PKHD1L1: variants seen among roughly 807,000 people sequenced by gnomAD.
The protein encoded by PKHD1L1 is fibrocystin-L.
A neutral mutation model predicts 462.9 loss-of-function variants in PKHD1L1; 434 were observed. The ratio of observed to expected loss-of-function variants is 0.94; its 90% CI spans 0.87 to 1.02. The LOEUF is 1.02. Ranked by LOEUF, PKHD1L1 falls within the 50% of genes least tolerant of loss-of-function variation. The pLI, the probability that PKHD1L1 is intolerant of heterozygous loss-of-function variation, is 0.00. For synonymous variants in PKHD1L1, 1,781 were observed against 1,750.0 expected (o/e 1.02, Z -0.44); for missense variants, 5,202 against 5,096.1 (o/e 1.02, Z -0.63).
rs1303582945 is a variant in PKHD1L1 at position 109,375,520 on chromosome 8, C to G, written c.164-5850C>G. ...TCAACTCGTCAAAGTCATTCTCTGTCCAGCTTTGTTCCGTTGCTGGTGAGG... is the reference window on the plus strand; with the variant it reads ...TCAACTCGTCAAAGTCATTCTCTGTGCAGCTTTGTTCCGTTGCTGGTGAGG... On this transcript the variant is annotated intron_variant, in intron 2 of 77. Coordinates refer to ENST00000378402, the MANE Select transcript of PKHD1L1 (RefSeq NM_177531.6). Among the ~76,000 whole-genome samples, 3 of 152,196 alleles carry G rather than the reference C, an allele frequency of 2.0e-5. No individual in the cohort carries two copies. The East Asian group carries it at 5.8e-4, about 29-fold the overall frequency.
intron 55 of PKHD1L1, chr8:109,480,632 C>A (rs1277673596): frequency 2.2e-5 from 10 of 455,170 alleles, no homozygotes; most frequent in Admixed American, 1.9e-4. Context: ...GGTCTTGAAC[C>A]TGTACCAGCT....
At chr8:109,417,151 G>T (rs1432960112) in intron 21 of PKHD1L1, among the ~76,000 whole-genome samples, 2 of 152,032 alleles carry the variant, frequency 1.3e-5, no homozygotes, top group African/African-American at 4.8e-5. Context: ...CAACAGGGTG[G>T]CTAAAGTCAA....
rs989483700 is a variant in PKHD1L1 at position 109,442,030 on chromosome 8, T to C, written c.4228T>C (p.Ser1410Pro). The C allele has an allele frequency of 1.2e-6, 2 of 1,609,574 alleles. No individual in the cohort carries two copies. The highest frequency in any genetic ancestry group is 2.7e-5 in the African/African-American group (2 of 74,734). ...DSVHGLGYAW[S>P]PPVLNVSVGD... is the part of the protein sequence containing the mutation. ...AGTACATGGATTAGGTTATGCCTGGTCACCACCAGTCCTAAATGTGTCTGT... is the reference window on the plus strand; with the variant it reads ...AGTACATGGATTAGGTTATGCCTGGCCACCACCAGTCCTAAATGTGTCTGT... Residue 1410 changes from serine (S) to proline (P), a missense_variant, in exon 35 of 78, where the codon TCA (serine) becomes CCA (proline). Physicochemically the swap from Ser to Pro is moderately conservative, Grantham distance 74. This residue lies in a region of PKHD1L1 where 4,497 missense variants were observed against 4,336.8 expected (regional missense o/e 1.04). Coordinates refer to ENST00000378402, the MANE Select transcript of PKHD1L1 (RefSeq NM_177531.6).
chr8:109,444,617 G>C lies in PKHD1L1; in HGVS notation c.4792-44G>C, dbSNP rs545637955. 1.9e-6 allele frequency: 3 copies of C among 1,540,766 alleles called. No individual in the cohort carries two copies. The East Asian group carries it at 6.8e-5, about 35-fold the overall frequency. On this transcript the variant is annotated intron_variant, in intron 37 of 77. Coordinates refer to ENST00000378402, the MANE Select transcript of PKHD1L1 (RefSeq NM_177531.6). ...TAATACAAAATTTGTTTATACTGGA[G>C]GTATGTATTGACTTGTTTTATTTTG...
Position 109,515,299 on chromosome 8 carries a change from T to C in PKHD1L1, c.11683T>C (p.Tyr3895His). Residue 3895 changes from tyrosine (Y) to histidine (H), a missense_variant, in exon 72 of 78, where the codon TAC becomes CAC. This residue lies in a region of PKHD1L1 where 698 missense variants were observed against 736.3 expected (regional missense o/e 0.95). Transcript: ENST00000378402. ...ACACTGTGAACTTAATAACCATCTGTACAAAGGTATTGTCTCAGAAAAAAT... is the reference window on the plus strand; with the variant it reads ...ACACTGTGAACTTAATAACCATCTGCACAAAGGTATTGTCTCAGAAAAAAT... The part of the protein sequence containing the change: ...QKHCELNNHL[Y>H]KDQFLPNLDS... The C allele has an allele frequency of 6.3e-7, 1 of 1,578,074 alleles. No homozygotes were observed. The highest frequency in any genetic ancestry group is 1.2e-5 in the South Asian group (1 of 84,500).
intron 50 of PKHD1L1, among the ~76,000 whole-genome samples, chr8:109,467,957 TTA>T (rs1817537270): frequency 6.6e-6 from 1 of 152,180 alleles, no homozygotes; most frequent in African/African-American, 2.4e-5. Context: ...ATTTTTTCTC[TTA>T]TAGTGTCAAT....
chr8:109,387,514 T>C (rs539465102), intron 6 of PKHD1L1, among the ~76,000 whole-genome samples: 4 of 152,194 alleles, frequency 2.6e-5, no homozygotes, highest in East Asian at 1.9e-4. Flanking sequence ...ATCTGTAAAA[T>C]TGAAGGATAA....
At chr8:109,364,897 A>G (rs1474503669) in intron 2 of PKHD1L1, among the ~76,000 whole-genome samples, 1 of 152,222 alleles carries the variant, frequency 6.6e-6, no homozygotes, top group African/African-American at 2.4e-5. Context: ...AAGGAATGCA[A>G]TTAACCCAAC....
chr8:109,366,876 T>C (rs567452408), intron 2 of PKHD1L1, among the ~76,000 whole-genome samples: 1 of 152,108 alleles, frequency 6.6e-6, no homozygotes, highest in South Asian at 2.1e-4. Flanking sequence ...GTATTTTTAG[T>C]AGAGATGGGG....
At chr8:109,459,571 A>T (rs373774642) in intron 46 of PKHD1L1, 24 bp from the exon 47 acceptor site, 12 of 1,331,786 alleles carry the variant, frequency 9.0e-6, no homozygotes, top group African/African-American at 4.7e-5. Flanking sequence ...TAATTTTAAA[A>T]TTTTTTTGTC....
intron 51 of PKHD1L1, 82 bp from the exon 52 acceptor site, chr8:109,476,426 G>A: frequency 5.5e-6 from 5 of 914,812 alleles, no homozygotes; most frequent in South Asian, 4.5e-5. Context: ...ATAATATAGG[G>A]GCTAATTATA....
At chr8:109,441,481 T>C in intron 34 of PKHD1L1, 102 bp downstream of exon 34, 1 of 755,134 alleles carries the variant, frequency 1.3e-6, no homozygotes, top group Non-Finnish European at 2.1e-6. Context: ...AGACTAAGTA[T>C]TGTTATTTCT....
At chr8:109,489,832 A>G in intron 59 of PKHD1L1, 120 bp from the exon 60 acceptor site, 1 of 686,358 alleles carries the variant, frequency 1.5e-6, no homozygotes, top group South Asian at 1.7e-5. Flanking sequence ...CTTCTGGATT[A>G]AAGGAGCAAA....
chr8:109,388,636 C>A, intron 7 of PKHD1L1, 86 bp downstream of exon 7: 1 of 879,900 alleles, frequency 1.1e-6, no homozygotes, highest in Non-Finnish European at 1.8e-6. Context: ...ACCAATACTG[C>A]ATAGCTAAAT....
Position 109,389,208 on chromosome 8 carries a change from T to C in PKHD1L1, c.697+56T>C, listed in dbSNP as rs528897208. ...TCACAGATGCCTTATTCTATTTCCC[T>C]GTTTTGTATTCTCCTAGACCTCCCT... On this transcript the variant is annotated intron_variant, in intron 8 of 77. Coordinates refer to ENST00000378402, the MANE Select transcript of PKHD1L1 (RefSeq NM_177531.6). 3.5e-5 allele frequency: 49 copies of C among 1,412,310 alleles called. No individual in the cohort carries two copies. The African/African-American group carries it at 6.6e-4, about 19-fold the overall frequency. 87.5% of individuals were successfully genotyped at this position (1,412,310 alleles called of 1,614,324 possible). A position where few individuals can be genotyped will look rare whatever the true frequency, so the allele number is the denominator to read the frequency against.
intron 48 of PKHD1L1, 67 bp from the exon 49 acceptor site, chr8:109,464,149 G>A (rs1282494201): frequency 4.5e-6 from 5 of 1,104,612 alleles, no homozygotes; most frequent in South Asian, 8.3e-5. Context: ...GATATTTTTT[G>A]AAACAAGAAA....
chr8:109,370,237 A>T (rs1811430069), intron 2 of PKHD1L1, among the ~76,000 whole-genome samples: 1 of 151,766 alleles, frequency 6.6e-6, no homozygotes, highest in African/African-American at 2.4e-5. Context: ...TCCTGCTTCA[A>T]CCTCCCGAGT....
At chr8:109,451,987 CATCA>C in intron 41 of PKHD1L1, 133 bp from the exon 42 acceptor site, 1 of 670,178 alleles carries the variant, frequency 1.5e-6, no homozygotes, top group East Asian at 3.2e-5. Context: ...TGAAAAAAAG[CATCA>C]ATCTACACTT....
chr8:109,369,256 C>T (rs375250295), intron 2 of PKHD1L1, among the ~76,000 whole-genome samples: 5 of 152,122 alleles, frequency 3.3e-5, no homozygotes, highest in Admixed American at 6.5e-5. Flanking sequence ...GGATTACAGG[C>T]GTGAGCCACC....
Sources: allele counts gnomAD v4.1 joint callset (sites outside exome capture counted in the v4.1 genomes callset), GRCh38; gene constraint gnomAD v4.1.1; regional missense constraint gnomAD v4.1.1; transcripts MANE v1.5; gene names NCBI Gene and HGNC (gene_info 2026-07-23, HGNC 2026-07-21).